STX8: variants seen among roughly 807,000 people sequenced by gnomAD.
The protein encoded by STX8 is syntaxin 8.
A neutral mutation model predicts 37.5 loss-of-function variants in STX8; 23 were observed. The ratio of observed to expected loss-of-function variants is 0.61; its 90% confidence interval spans 0.44 to 0.87. The LOEUF is 0.87. Ranked by LOEUF, STX8 falls within the 40% of genes least tolerant of loss-of-function variation. The pLI is 0.00. For missense variants in STX8, 313 were observed against 284.7 expected (o/e 1.10, Z -0.71); for synonymous variants, 115 against 99.1 (o/e 1.16, Z -0.95).
chr17:9,287,684 T>C (rs935055172), intron 7 of STX8, among the ~76,000 whole-genome samples: 4 of 152,164 alleles, frequency 2.6e-5, no homozygotes, highest in South Asian at 2.1e-4. Context: ...TGCCTGATAA[T>C]GCTTCTGTGA....
At chr17:9,440,282 T>C (rs1365655830) in intron 6 of STX8, among the ~76,000 whole-genome samples, 1 of 152,182 alleles carries the variant, frequency 6.6e-6, no homozygotes, top group African/African-American at 2.4e-5. Context: ...CCTAGTTATA[T>C]GTGCTCAAAG....
At chr17:9,347,619 C>T (rs1041143416) in intron 7 of STX8, among the ~76,000 whole-genome samples, 3 of 152,162 alleles carry the variant, frequency 2.0e-5, no homozygotes, top group African/African-American at 4.8e-5. Flanking sequence ...CAGGTTCAAG[C>T]GATTCTCCTG....
At chr17:9,394,169 G>A (rs1319530968) in intron 6 of STX8, among the ~76,000 whole-genome samples, 1 of 152,076 alleles carries the variant, frequency 6.6e-6, no homozygotes, top group Non-Finnish European at 1.5e-5. Flanking sequence ...GCAAGGAAGG[G>A]AGTGTGGAAT....
At chr17:9,565,155 C>G (rs1907403593) in intron 2 of STX8, among the ~76,000 whole-genome samples, 1 of 152,198 alleles carries the variant, frequency 6.6e-6, no homozygotes. Flanking sequence ...TTGCAGTGAG[C>G]CAGGATCGTG....
intron 7 of STX8, among the ~76,000 whole-genome samples, chr17:9,319,263 C>CA (rs199512425): frequency 6.6e-6 from 1 of 151,854 alleles, no homozygotes; most frequent in African/African-American, 2.4e-5. Context: ...ACTAAAAATA[C>CA]AAAAAATTAG....
intron 4 of STX8, among the ~76,000 whole-genome samples, chr17:9,541,502 AAGCCTGTC>A (rs1906277101): frequency 6.6e-6 from 1 of 152,182 alleles, no homozygotes; most frequent in East Asian, 1.9e-4. Context: ...AGAGTTTACA[AAGCCTGTC>A]TCATAGCAAT....
intron 7 of STX8, among the ~76,000 whole-genome samples, chr17:9,255,557 T>TAAATATATAA (rs1906762578): frequency 1.3e-4 from 14 of 109,790 alleles, no homozygotes; most frequent in African/African-American, 3.1e-4. Context: ...TAAATAAATA[T>TAAATATATAA]ATAAATAAAT....
chr17:9,415,833 T>C (rs1402817931), intron 6 of STX8, among the ~76,000 whole-genome samples: 1 of 152,198 alleles, frequency 6.6e-6, no homozygotes, highest in Non-Finnish European at 1.5e-5. Flanking sequence ...TTCATGGCTT[T>C]TGAAATAGGC....
At chr17:9,352,325 TCTTTTC>T (rs1910733468) in intron 7 of STX8, among the ~76,000 whole-genome samples, 1 of 152,052 alleles carries the variant, frequency 6.6e-6, no homozygotes, top group South Asian at 2.1e-4. Context: ...GCTTCCCATA[TCTTTTC>T]ACCCAATAGT....
At chr17:9,315,259 C>T (rs980021446) in intron 7 of STX8, among the ~76,000 whole-genome samples, 2 of 151,696 alleles carry the variant, frequency 1.3e-5, no homozygotes, top group Admixed American at 6.6e-5. Context: ...CACCATAAGG[C>T]TTTCTTTCCT....
At chr17:9,304,504 T>C (rs1293897849) in intron 7 of STX8, among the ~76,000 whole-genome samples, 2 of 76,852 alleles carry the variant, frequency 2.6e-5, no homozygotes, top group Non-Finnish European at 5.0e-5. Flanking sequence ...AGCGAAACTG[T>C]CTCAAAAAAA....
chr17:9,454,420 T>G (rs1905128937), intron 6 of STX8, among the ~76,000 whole-genome samples: 1 of 152,298 alleles, frequency 6.6e-6, no homozygotes, highest in Non-Finnish European at 1.5e-5. Context: ...GGCTCACGCC[T>G]GTAATCCCAG....
At chr17:9,455,198 T>C (rs778008038) in intron 6 of STX8, among the ~76,000 whole-genome samples, 1 of 151,574 alleles carries the variant, frequency 6.6e-6, no homozygotes, top group African/African-American at 2.4e-5. Context: ...CAAGACCCTG[T>C]CTCTTAAAAA....
chr17:9,543,557 G>A lies in STX8; in HGVS notation c.323+1615C>T, dbSNP rs1415031405. On this transcript the variant is annotated intron_variant, in intron 4 of 7. Transcript: ENST00000306357. ...TGAGCTCAGGCAATCCACCCACCTT[G>A]GCCTCCCAAAGTGCTAGGCTTACAG... Among the ~76,000 whole-genome samples, 6 of 152,042 alleles carry A rather than the reference G, an allele frequency of 3.9e-5. No individual in the cohort carries two copies. The South Asian group carries it at 8.3e-4, about 21-fold the overall frequency.
intron 3 of STX8, among the ~76,000 whole-genome samples, chr17:9,552,591 A>G (rs1906807831): frequency 1.3e-5 from 2 of 151,866 alleles, no homozygotes; most frequent in South Asian, 4.1e-4. Context: ...GCACTTATCT[A>G]TCTACTTACC....
chr17:9,394,218 T>C (rs1021832470), intron 6 of STX8, among the ~76,000 whole-genome samples: 3 of 152,090 alleles, frequency 2.0e-5, no homozygotes, highest in Admixed American at 2.0e-4. Context: ...GCAGTCAGTG[T>C]CAACCATGCT....
intron 6 of STX8, among the ~76,000 whole-genome samples, chr17:9,444,575 A>G (rs1904774673): frequency 6.6e-6 from 1 of 152,230 alleles, no homozygotes; most frequent in Admixed American, 6.5e-5. Flanking sequence ...GAAGTCAGCT[A>G]AAGTCCTAAA....
intron 6 of STX8, among the ~76,000 whole-genome samples, chr17:9,460,973 CTT>C (rs35282673): frequency 6.3e-5 from 9 of 143,448 alleles, no homozygotes; most frequent in African/African-American, 1.8e-4. Flanking sequence ...GTCATCACTG[CTT>C]TTTTTTTTTT....
At chr17:9,529,189 A>T (rs1475557006) in intron 4 of STX8, among the ~76,000 whole-genome samples, 2 of 152,024 alleles carry the variant, frequency 1.3e-5, no homozygotes, top group East Asian at 3.9e-4. Flanking sequence ...GGATGGGCTA[A>T]GTTTGCCCTT....
Sources: allele counts gnomAD v4.1 joint callset (sites outside exome capture counted in the v4.1 genomes callset), GRCh38; gene constraint gnomAD v4.1.1; transcripts MANE v1.5; gene names NCBI Gene and HGNC (gene_info 2026-07-23, HGNC 2026-07-21).